HDAC2: variants seen among roughly 807,000 people sequenced by gnomAD.
HDAC2 encodes YY1-associated factor 1.
A neutral mutation model predicts 68.5 loss-of-function variants in HDAC2; 5 were observed. The observed-to-expected ratio is 0.07, with a 90% CI of 0.04 to 0.15. The LOEUF (loss-of-function observed/expected upper bound fraction) is 0.15, where lower values mean the gene tolerates loss of function less well. Among genes scored for constraint, HDAC2 ranks in the 10% least tolerant of loss-of-function variants. The pLI is 1.00. For synonymous variants in HDAC2, 182 were observed against 191.3 expected (o/e 0.95, Z 0.40); for missense variants, 291 against 600.8 (o/e 0.48, Z 5.39).
chr6:113,966,367 T>C (rs974314815), intron 1 of HDAC2, among the ~76,000 whole-genome samples: 5 of 151,924 alleles, frequency 3.3e-5, no homozygotes, highest in South Asian at 2.1e-4. Context: ...CTGGCCAACA[T>C]GGTAAAACCC....
intron 8 of HDAC2, 92 bp from the exon 9 acceptor site, chr6:113,946,240 T>C (rs1776261121): frequency 2.1e-6 from 2 of 968,302 alleles, no homozygotes; most frequent in East Asian, 2.6e-5. Context: ...CAAATGTTAC[T>C]CAACCAAAAT....
chr6:113,964,897 C>A (rs1776775631), intron 1 of HDAC2, among the ~76,000 whole-genome samples: 1 of 152,200 alleles, frequency 6.6e-6, no homozygotes, highest in Non-Finnish European at 1.5e-5. Context: ...TTCTCTAACA[C>A]CATTCCTCAG....
chr6:113,954,392 TAAAA>T (rs371573824), intron 5 of HDAC2, among the ~76,000 whole-genome samples: 7 of 151,964 alleles, frequency 4.6e-5, no homozygotes, highest in African/African-American at 1.5e-4. Context: ...TTCACAAAAT[TAAAA>T]AAACAGAAAT....
chr6:113,951,740 T>C (rs1488952582), intron 6 of HDAC2, among the ~76,000 whole-genome samples: 1 of 152,208 alleles, frequency 6.6e-6, no homozygotes, highest in Non-Finnish European at 1.5e-5. Context: ...GTGCTGGGAT[T>C]ACAGGCGTGA....
At chr6:113,943,682 T>C (rs1430269643) in intron 11 of HDAC2, among the ~76,000 whole-genome samples, 176 bp from the exon 12 acceptor site, 1 of 152,170 alleles carries the variant, frequency 6.6e-6, no homozygotes, top group Non-Finnish European at 1.5e-5. Flanking sequence ...ATTGAAAACT[T>C]TGCTTTCATG....
chr6:113,957,649 T>G (rs1281058669), intron 3 of HDAC2, among the ~76,000 whole-genome samples: 1 of 151,952 alleles, frequency 6.6e-6, no homozygotes, highest in Admixed American at 6.6e-5. Flanking sequence ...CACACCCAGC[T>G]AATTTTCTGT....
rs537845464 is a variant in HDAC2, at chr6:113,938,958, T to C, written c.*2100A>G. The C allele has an allele frequency of 6.6e-6, 1 of 152,210 alleles. No individual in the cohort carries two copies. The highest frequency in any genetic ancestry group is 2.1e-4 in the South Asian group (1 of 4,828). 9.4% of individuals were successfully genotyped at this position (152,210 alleles called of 1,614,324 possible). A position where few individuals can be genotyped will look rare whatever the true frequency, so the allele number is the denominator to read the frequency against. On this transcript the variant is annotated 3_prime_UTR_variant, in exon 14 of 14. Transcript: ENST00000519065. ...ACACCCAAGGAGATCCAGTATAGTATTGAAGTGTACAATTTCAGTATGTTC... is the reference window on the plus strand; with the variant it reads ...ACACCCAAGGAGATCCAGTATAGTACTGAAGTGTACAATTTCAGTATGTTC...
intron 9 of HDAC2, 79 bp from the exon 10 acceptor site, chr6:113,945,549 G>A: frequency 2.6e-6 from 2 of 760,038 alleles, no homozygotes; most frequent in Admixed American, 2.1e-5. Context: ...CCAGATTTAG[G>A]TGGTGAAATA....
rs1776111997 is a variant in HDAC2 at position 113,940,787 on chromosome 6, C to A, written c.*271G>T. ...ATCAGCTCAGAAAGGCCAATTACTT[C>A]TTTAATAGATCAGTTTTTTTGACAT... On this transcript the variant is annotated 3_prime_UTR_variant, in exon 14 of 14. Coordinates refer to ENST00000519065, the MANE Select transcript of HDAC2 (RefSeq NM_001527.4). 3.1e-6 allele frequency: 1 copy of A among 323,712 alleles called. No individual in the cohort carries two copies. The highest frequency in any genetic ancestry group is 2.1e-5 in the African/African-American group (1 of 46,658). 20.1% of individuals were successfully genotyped at this position (323,712 alleles called of 1,614,324 possible).
chr6:113,962,734 C>A (rs192478215), intron 1 of HDAC2, among the ~76,000 whole-genome samples: 4 of 151,804 alleles, frequency 2.6e-5, no homozygotes, highest in Admixed American at 1.3e-4. Context: ...GAGGCCGAGG[C>A]GGGCAGATCA....
In HDAC2 at chr6:113,940,974, A is replaced by G; in HGVS notation, c.*84T>C. 1 of 1,059,428 alleles carries G rather than the reference A, an allele frequency of 9.4e-7. No homozygotes were observed. Among genetic ancestry groups the G allele is most frequent in the Non-Finnish European group, 1.4e-6 (1 of 708,032 alleles). The allele number at this position is 1,059,428 out of a possible 1,614,324, so 65.6% of individuals were successfully genotyped here. On this transcript the variant is annotated 3_prime_UTR_variant, in exon 14 of 14. Coordinates refer to ENST00000519065, the MANE Select transcript of HDAC2 (RefSeq NM_001527.4). ...GTCCATGCCAAAGTAGTATAAAATG[A>G]AGCCAGAAGTCTTCAAAAAGAAAAC...
In HDAC2 at chr6:113,941,725, T is replaced by C. The variant is rs1205642334; in HGVS notation, c.1419A>G (p.Glu473=). The part of the protein sequence containing the change: ...EEDKSKDNSG[E]KTDTKGTKSE... ...TCATTTACCCTTTGGTATCTGTTTTTTCACCACTGTTGTCCTTGGATTTAT... is the reference window on the plus strand; with the variant it reads ...TCATTTACCCTTTGGTATCTGTTTTCTCACCACTGTTGTCCTTGGATTTAT... The change falls in exon 13 of 14, where the codon GAA becomes GAG. Residue 473 remains glutamate (E), a synonymous_variant. Transcript: ENST00000519065. The C allele has an allele frequency of 1.4e-6, 2 of 1,448,730 alleles. No individual in the cohort carries two copies. The highest frequency in any genetic ancestry group is 1.9e-5 in the Admixed American group (1 of 51,458). 89.7% of individuals were successfully genotyped at this position (1,448,730 alleles called of 1,614,324 possible).
chr6:113,961,178 T>C (rs1452006952), intron 1 of HDAC2, among the ~76,000 whole-genome samples: 1 of 152,146 alleles, frequency 6.6e-6, no homozygotes, highest in Non-Finnish European at 1.5e-5. Flanking sequence ...GTTTATATAT[T>C]ACAATAAAAG....
intron 8 of HDAC2, 79 bp from the exon 9 acceptor site, chr6:113,946,227 G>A (rs1776260882): frequency 1.7e-6 from 2 of 1,178,460 alleles, no homozygotes; most frequent in African/African-American, 1.5e-5. Context: ...AAGATAATAA[G>A]TGCAAATGTT....
rs761440609 is a variant in HDAC2, at chr6:113,944,280, T to C, written c.1222A>G (p.Ile408Val). 3 of 1,610,934 alleles carry C rather than the reference T, an allele frequency of 1.9e-6. No individual in the cohort carries two copies. Residue 408 changes from isoleucine to valine, a missense_variant and splice_region_variant, in exon 11 of 14, where the codon ATT becomes GTT. Ile to Val is a conservative substitution (Grantham distance 29). Coordinates refer to ENST00000519065, the MANE Select transcript of HDAC2 (RefSeq NM_001527.4). The part of the protein sequence containing the change: ...DGEDPDKRIS[I>V]RASDKRIACD... Reference sequence around the variant, plus strand: ...TGGAAAAATAAAGGCATTATCTTACTAGAAATTCTCTTGTCTGGATCTTCT... The same window carrying C: ...TGGAAAAATAAAGGCATTATCTTACCAGAAATTCTCTTGTCTGGATCTTCT...
Position 113,935,111 on chromosome 6 carries a change from C to A in HDAC2, c.*5947G>T, listed in dbSNP as rs1414066950. 2 of 152,144 alleles carry A rather than the reference C, an allele frequency of 1.3e-5. No homozygotes were observed. Among genetic ancestry groups the A allele is most frequent in the Admixed American group, 1.3e-4 (2 of 15,278 alleles). The allele number at this position is 152,144 out of a possible 1,614,324, so 9.4% of individuals were successfully genotyped here. A position where few individuals can be genotyped will look rare whatever the true frequency, so the allele number is the denominator to read the frequency against. Reference sequence around the variant, plus strand: ...GGAGGGCTATTATCTACCACAGGGCCACACAACAGTGCCCTCTTAAGCCCC... The same window carrying A: ...GGAGGGCTATTATCTACCACAGGGCAACACAACAGTGCCCTCTTAAGCCCC... On this transcript the variant is annotated 3_prime_UTR_variant, in exon 14 of 14. Coordinates refer to ENST00000519065, the MANE Select transcript of HDAC2 (RefSeq NM_001527.4).
chr6:113,956,489 C>T, intron 4 of HDAC2, 130 bp downstream of exon 4: 1 of 689,784 alleles, frequency 1.4e-6, no homozygotes, highest in Non-Finnish European at 2.6e-6. Flanking sequence ...TTGTACTTTA[C>T]TATAAACATA....
At chr6:113,950,221 TTA>T (rs1168720474) in intron 6 of HDAC2, among the ~76,000 whole-genome samples, 1 of 151,962 alleles carries the variant, frequency 6.6e-6, no homozygotes, top group African/African-American at 2.4e-5. Flanking sequence ...TATACATATA[TTA>T]TATATACTTA....
At position 113,935,802 on chromosome 6, in the gene HDAC2, C is replaced by A. The variant is rs1775987981; in HGVS notation, c.*5256G>T. ...TTTGTTCTACTAAAAAAGAATTTTT[C>A]ATTAATAATCCTAATCATAACTCTG... is the stretch of plus-strand genomic sequence containing the variant. On this transcript the variant is annotated 3_prime_UTR_variant, in exon 14 of 14. Transcript: ENST00000519065. 6.6e-6 allele frequency: 1 copy of A among 152,172 alleles called. No individual in the cohort carries two copies. Among genetic ancestry groups the A allele is most frequent in the Admixed American group, 6.5e-5 (1 of 15,286 alleles). The allele number at this position is 152,172 out of a possible 1,614,324, so 9.4% of individuals were successfully genotyped here.
Sources: allele counts gnomAD v4.1 joint callset (sites outside exome capture counted in the v4.1 genomes callset), GRCh38; gene constraint gnomAD v4.1.1; transcripts MANE v1.5; gene names NCBI Gene and HGNC (gene_info 2026-07-23, HGNC 2026-07-21).